The following QTMAN variants were observed in gnomAD, a reference collection of about 807,000 sequenced individuals.
QTMAN encodes the protein tRNA-queuosine alpha-mannosyltransferase.
the QTMAN span, among the ~76,000 whole-genome samples, chr2:144,119,461 G>A: frequency 1.3e-5 from 2 of 152,254 alleles, no homozygotes; most frequent in African/African-American, 4.8e-5. Context: ...CTCCAATGTC[G>A]TCTTCTCTGC....
At chr2:144,024,337 G>A in the QTMAN span, among the ~76,000 whole-genome samples, 9 of 152,160 alleles carry the variant, frequency 5.9e-5, no homozygotes, top group Non-Finnish European at 1.0e-4. Flanking sequence ...GTACATGCTC[G>A]CTATACAGTT....
chr2:143,991,564 G>T, the QTMAN span, among the ~76,000 whole-genome samples: 1 of 148,966 alleles, frequency 6.7e-6, no homozygotes, highest in African/African-American at 2.5e-5. Context: ...GGAGGTGGGG[G>T]GGTCAGCCCC....
chr2:144,291,330 A>G, the QTMAN span, among the ~76,000 whole-genome samples: 1 of 152,204 alleles, frequency 6.6e-6, no homozygotes, highest in Non-Finnish European at 1.5e-5. Context: ...AACAGCTAGT[A>G]CAACCACAGA....
At chr2:144,109,400 T>C in the QTMAN span, among the ~76,000 whole-genome samples, 1 of 152,268 alleles carries the variant, frequency 6.6e-6, no homozygotes, top group East Asian at 1.9e-4. Context: ...TAATTCAAGA[T>C]GGATTAAAGA....
the QTMAN span, among the ~76,000 whole-genome samples, chr2:144,196,677 C>T: frequency 3.9e-5 from 6 of 152,188 alleles, no homozygotes; most frequent in Non-Finnish European, 7.4e-5. Context: ...GCCTTATTCA[C>T]CTTTATATCA....
At chr2:144,009,111 C>T in the QTMAN span, among the ~76,000 whole-genome samples, 1 of 152,004 alleles carries the variant, frequency 6.6e-6, no homozygotes, top group Admixed American at 6.6e-5. Flanking sequence ...AACATTATAA[C>T]ATGGTGATCA....
chr2:144,291,460 A>G, the QTMAN span, among the ~76,000 whole-genome samples: 1 of 152,350 alleles, frequency 6.6e-6, no homozygotes, highest in Admixed American at 6.5e-5. Flanking sequence ...CTCAGTTCAC[A>G]GTCTACCCAA....
the QTMAN span, among the ~76,000 whole-genome samples, chr2:144,251,982 G>C: frequency 6.6e-6 from 1 of 152,032 alleles, no homozygotes; most frequent in African/African-American, 2.4e-5. Flanking sequence ...GACTGCTTGA[G>C]GGCAGGAGTT....
chr2:144,320,228 T>C, the QTMAN span, among the ~76,000 whole-genome samples: 1 of 152,134 alleles, frequency 6.6e-6, no homozygotes, highest in African/African-American at 2.4e-5. Flanking sequence ...GTGGCCAACT[T>C]GAGTAGGTGC....
chr2:143,981,087 T>C, the QTMAN span, among the ~76,000 whole-genome samples: 1 of 152,246 alleles, frequency 6.6e-6, no homozygotes. Context: ...GATTTGCTCC[T>C]GCACTAACAT....
the QTMAN span, among the ~76,000 whole-genome samples, chr2:144,279,131 T>C: frequency 1.3e-5 from 2 of 152,162 alleles, no homozygotes; most frequent in East Asian, 3.8e-4. Context: ...TATTTCCTCT[T>C]ATCTTCTACA....
At chr2:144,137,647 G>A in the QTMAN span, among the ~76,000 whole-genome samples, 1 of 152,022 alleles carries the variant, frequency 6.6e-6, no homozygotes, top group African/African-American at 2.4e-5. Context: ...ATATCTAGCT[G>A]TGTGATTACC....
At chr2:144,053,600 T>C in the QTMAN span, among the ~76,000 whole-genome samples, 1 of 152,194 alleles carries the variant, frequency 6.6e-6, no homozygotes, top group South Asian at 2.1e-4. Flanking sequence ...CCTTATAACA[T>C]CCTGATATTG....
chr2:144,119,430 T>A, the QTMAN span, among the ~76,000 whole-genome samples: 1 of 152,186 alleles, frequency 6.6e-6, no homozygotes, highest in African/African-American at 2.4e-5. Flanking sequence ...AAGGAACTCT[T>A]TTCCATCCTC....
chr2:144,145,524 A>G, the QTMAN span: 1 of 1,408,722 alleles, frequency 7.1e-7, no homozygotes, highest in Non-Finnish European at 9.8e-7. Flanking sequence ...CCACCTACAA[A>G]GAAAAAGGTA....
chr2:144,092,890 T>TGTGA, the QTMAN span, among the ~76,000 whole-genome samples: 1 of 151,532 alleles, frequency 6.6e-6, no homozygotes. Context: ...TGTGTGTGTG[T>TGTGA]GTGTGTGTGT....
the QTMAN span, among the ~76,000 whole-genome samples, chr2:143,976,121 G>A: frequency 6.6e-6 from 1 of 152,114 alleles, no homozygotes; most frequent in African/African-American, 2.4e-5. Context: ...AGAAGAGACT[G>A]GGTCTGCATC....
the QTMAN span, among the ~76,000 whole-genome samples, chr2:143,979,160 T>C: frequency 1.4e-5 from 2 of 142,156 alleles, no homozygotes; most frequent in African/African-American, 5.2e-5. Flanking sequence ...GTAACAGAAT[T>C]AAAAAAAAAA....
the QTMAN span, among the ~76,000 whole-genome samples, chr2:144,318,303 T>C: frequency 6.6e-6 from 1 of 151,816 alleles, no homozygotes; most frequent in Non-Finnish European, 1.5e-5. Flanking sequence ...ATCACAGTAA[T>C]TCCAAATTCA....
Sources: gnomAD v4.1 joint callset for allele counts (sites outside exome capture counted in the v4.1 genomes callset) on GRCh38, gnomAD v4.1.1 for gene constraint, MANE v1.5 for transcripts, NCBI Gene and HGNC (gene_info 2026-07-23, HGNC 2026-07-21) for gene names.